The following RFPL1 variants were observed in gnomAD, a reference collection of about 807,000 sequenced individuals.
RFPL1 encodes ret finger protein like 1, also known as ret finger protein-like 1.
RFPL1 carries 6 observed loss-of-function variants against 9.6 expected under a neutral mutation model. That is an observed-to-expected ratio of 0.62 (90% confidence interval 0.34 to 1.23). The LOEUF (loss-of-function observed/expected upper bound fraction) is 1.23, where lower values mean the gene tolerates loss of function less well. Among genes scored for constraint, RFPL1 ranks in the 50% most tolerant of loss-of-function variants. The pLI is 0.03. For missense variants in RFPL1, 352 were observed against 398.4 expected (o/e 0.88, Z 0.99); for synonymous variants, 145 against 149.4 (o/e 0.97, Z 0.22).
chr22:29,410,538 T>A, the RFPL1 span, among the ~76,000 whole-genome samples: 2 of 111,640 alleles, frequency 1.8e-5, no homozygotes, highest in African/African-American at 3.2e-5. Context: ...ATATATCTAC[T>A]ATATATAGAG....
At position 29,441,981 on chromosome 22, in the gene RFPL1, G is replaced by T. The variant is rs141894352; in HGVS notation, c.813G>T (p.Arg271Ser). The T allele has an allele frequency of 2.2e-5, 35 of 1,614,082 alleles. No individual in the cohort carries two copies. In the African/African-American group the frequency reaches 4.0e-4, roughly 18 times the overall value. ...GTGGTTCCCATGTCTATACATTCAGGAGTGTCTCTGCTGAGGAGCCACTGC... is the reference window on the plus strand; with the variant it reads ...GTGGTTCCCATGTCTATACATTCAGTAGTGTCTCTGCTGAGGAGCCACTGC... The change falls in exon 2 of 2, where the codon AGG becomes AGT. Residue 271 changes from arginine to serine, a missense_variant. Physicochemically the swap from Arg to Ser is moderately radical, Grantham distance 110 (BLOSUM62 -1). Coordinates refer to ENST00000354373, the Ensembl canonical transcript of RFPL1.
At chr22:29,406,202 G>A in the RFPL1 span, among the ~76,000 whole-genome samples, 15 of 144,658 alleles carry the variant, frequency 1.0e-4, no homozygotes, top group Non-Finnish European at 7.5e-5. Context: ...CATGCCCATG[G>A]AAACAGTGAA....
the RFPL1 span, among the ~76,000 whole-genome samples, chr22:29,420,647 T>G: frequency 2.2e-5 from 3 of 135,976 alleles, no homozygotes; most frequent in African/African-American, 8.2e-5. Context: ...TTTTTTTTTT[T>G]TTTTTTTTTT....
the RFPL1 span, among the ~76,000 whole-genome samples, chr22:29,396,897 CTTTTTTTTTT>C: frequency 9.6e-5 from 7 of 72,582 alleles, no homozygotes; most frequent in East Asian, 5.6e-4. Flanking sequence ...CCTGAAACTT[CTTTTTTTTTT>C]TTTTTTTTTT....
chr22:29,422,808 T>TACAC, the RFPL1 span, among the ~76,000 whole-genome samples: 26,695 of 150,138 alleles, frequency 0.18, 2,710 homozygotes, highest in East Asian at 0.39. Context: ...AACACACACA[T>TACAC]ACACACACAC....
chr22:29,438,971 C>T, exon 1 of RFPL1: 1 of 1,613,958 alleles, frequency 6.2e-7, no homozygotes, highest in Non-Finnish European at 8.5e-7. Flanking sequence ...GCGCTGTCTG[C>T]TTCAAGTGCA....
At chr22:29,397,972 G>T in the RFPL1 span, among the ~76,000 whole-genome samples, 1 of 152,204 alleles carries the variant, frequency 6.6e-6, no homozygotes, top group Non-Finnish European at 1.5e-5. Flanking sequence ...GGAAGGGGGG[G>T]TTGGCATCTG....
upstream of RFPL1, chr22:29,438,537 G>C: frequency 7.7e-7 from 1 of 1,294,246 alleles, no homozygotes; most frequent in Non-Finnish European, 1.0e-6. Context: ...GGTTCCCCTA[G>C]GAGGAGGTGA....
the RFPL1 span, among the ~76,000 whole-genome samples, chr22:29,413,377 C>T: frequency 6.6e-6 from 1 of 151,816 alleles, no homozygotes; most frequent in Non-Finnish European, 1.5e-5. Flanking sequence ...TGCTAAAAGA[C>T]TTTTAGTTTT....
At chr22:29,403,062 C>G in the RFPL1 span, among the ~76,000 whole-genome samples, 1 of 151,076 alleles carries the variant, frequency 6.6e-6, no homozygotes, top group South Asian at 2.1e-4. Context: ...GAAGGAGGAG[C>G]TCTGACTACA....
At chr22:29,420,565 G>A in the RFPL1 span, among the ~76,000 whole-genome samples, 4 of 147,998 alleles carry the variant, frequency 2.7e-5, no homozygotes, top group Admixed American at 1.4e-4. Flanking sequence ...TCCTGACTTC[G>A]TGGTCTGCCC....
the RFPL1 span, among the ~76,000 whole-genome samples, chr22:29,429,568 A>C: frequency 6.6e-6 from 1 of 152,196 alleles, no homozygotes; most frequent in Non-Finnish European, 1.5e-5. Flanking sequence ...GACTAGAGGA[A>C]ATGCACAGAT....
chr22:29,391,356 A>C, the RFPL1 span, among the ~76,000 whole-genome samples: 72 of 152,174 alleles, frequency 4.7e-4, no homozygotes, highest in African/African-American at 1.6e-3. Context: ...GTGTGCCTGG[A>C]ATAATTTTAT....
chr22:29,397,679 G>A, the RFPL1 span, among the ~76,000 whole-genome samples: 6 of 152,374 alleles, frequency 3.9e-5, no homozygotes, highest in African/African-American at 1.4e-4. Flanking sequence ...CTGTGGGTGA[G>A]TGTTAACCCC....
At chr22:29,400,505 G>C in the RFPL1 span, among the ~76,000 whole-genome samples, 938 of 152,302 alleles carry the variant, frequency 6.2e-3, 5 homozygotes, top group Non-Finnish European at 8.7e-3. Flanking sequence ...TGGATTGCAT[G>C]AACTTGTGCC....
At chr22:29,415,521 C>T in the RFPL1 span, among the ~76,000 whole-genome samples, 2 of 152,268 alleles carry the variant, frequency 1.3e-5, no homozygotes, top group Non-Finnish European at 1.5e-5. Context: ...TGGCCGGAGT[C>T]CCCTGCAGGG....
chr22:29,420,084 T>G, the RFPL1 span, among the ~76,000 whole-genome samples: 1 of 152,330 alleles, frequency 6.6e-6, no homozygotes, highest in Non-Finnish European at 1.5e-5. Flanking sequence ...CATGGAGGCC[T>G]TTCCTGTTTT....
At chr22:29,422,537 C>T in the RFPL1 span, among the ~76,000 whole-genome samples, 2 of 152,096 alleles carry the variant, frequency 1.3e-5, no homozygotes, top group African/African-American at 2.4e-5. Flanking sequence ...ATATTGGTGC[C>T]ATTGTACTCG....
the RFPL1 span, among the ~76,000 whole-genome samples, chr22:29,419,532 C>T: frequency 3.3e-5 from 5 of 152,002 alleles, no homozygotes; most frequent in East Asian, 1.9e-4. Flanking sequence ...CAGCTGGGCA[C>T]GGTGGCTCAT....
Sources: gnomAD v4.1 joint callset for allele counts (sites outside exome capture counted in the v4.1 genomes callset) on GRCh38, gnomAD v4.1.1 for gene constraint, MANE v1.5 for transcripts, NCBI Gene and HGNC (gene_info 2026-07-23, HGNC 2026-07-21) for gene names.